RAPGEF5: variants seen among roughly 807,000 people sequenced by gnomAD.
The protein encoded by RAPGEF5 is Rap guanine nucleotide exchange factor 5.
In RAPGEF5, 65 loss-of-function variants were observed where a neutral mutation model predicts 125.2. The observed-to-expected ratio is 0.52, with a 90% CI of 0.43 to 0.64. The LOEUF (loss-of-function observed/expected upper bound fraction) is 0.64. Ranked by LOEUF, RAPGEF5 falls within the 30% of genes least tolerant of loss-of-function variation. The pLI, the probability that RAPGEF5 is intolerant of heterozygous loss-of-function variation, is 0.00. For synonymous variants in RAPGEF5, 391 were observed against 385.9 expected (o/e 1.01, Z -0.16); for missense variants, 958 against 1,048.1 (o/e 0.91, Z 1.19).
At chr7:22,248,090 A>C (rs548366097) in intron 7 of RAPGEF5, among the ~76,000 whole-genome samples, 5 of 152,292 alleles carry the variant, frequency 3.3e-5, no homozygotes, top group Admixed American at 1.3e-4. Context: ...CTAGGTAAAA[A>C]ACCTGCACGT....
chr7:22,192,263 T>C (rs1341748409), intron 11 of RAPGEF5: 1 of 152,456 alleles, frequency 6.6e-6, no homozygotes, highest in African/African-American at 2.4e-5. Context: ...AAGGTATCTA[T>C]CTGAATTTTA....
At chr7:22,175,492 T>C (rs569710106) in intron 11 of RAPGEF5, among the ~76,000 whole-genome samples, 1 of 152,340 alleles carries the variant, frequency 6.6e-6, no homozygotes, top group African/African-American at 2.4e-5. Context: ...ACAATTATCA[T>C]TTTATTTAAC....
In RAPGEF5 at chr7:22,179,474, AG is replaced by A. The variant is rs373932756; in HGVS notation, c.1205-12327del. ...TCAGAGATAATCCAAACCACTTCAC[AG>A]GCTTTTTAAAAAAATGACTATGTCA... On this transcript the variant is annotated intron_variant, in intron 11 of 25. Transcript: ENST00000665637. Among the ~76,000 whole-genome samples, 172 of 152,282 alleles carry A rather than the reference AG, an allele frequency of 1.1e-3. 2 individuals carry two copies. The East Asian group carries it at 0.029, about 25-fold the overall frequency.
intron 7 of RAPGEF5, among the ~76,000 whole-genome samples, chr7:22,246,039 T>A (rs556030124): frequency 1.2e-4 from 18 of 152,076 alleles, no homozygotes; most frequent in Non-Finnish European, 2.2e-4. Flanking sequence ...GAAAGGTATC[T>A]ACAAGGACAA....
intron 6 of RAPGEF5, among the ~76,000 whole-genome samples, chr7:22,272,342 C>CAAAAA (rs1282857477): frequency 1.4e-4 from 5 of 35,908 alleles, no homozygotes; most frequent in Middle Eastern, 0.013. Flanking sequence ...GACTCCGTCT[C>CAAAAA]AAAAAAAAAA....
intron 8 of RAPGEF5, among the ~76,000 whole-genome samples, chr7:22,226,616 G>A (rs1031724402): frequency 7.2e-5 from 11 of 152,202 alleles, no homozygotes; most frequent in African/African-American, 2.4e-5. Flanking sequence ...TCCACAGTGA[G>A]AAATGTACCT....
chr7:22,308,150 C>T (rs1339314379), intron 5 of RAPGEF5, among the ~76,000 whole-genome samples, 189 bp downstream of exon 5: 1 of 152,148 alleles, frequency 6.6e-6, no homozygotes, highest in Non-Finnish European at 1.5e-5. Context: ...GATTTAAATA[C>T]CAGTTATTTA....
intron 17 of RAPGEF5, among the ~76,000 whole-genome samples, chr7:22,151,799 A>G (rs760075083): frequency 1.9e-4 from 29 of 152,278 alleles, no homozygotes; most frequent in Non-Finnish European, 3.7e-4. Context: ...TATTTTGCTA[A>G]TACAAAAAGT....
intron 6 of RAPGEF5, among the ~76,000 whole-genome samples, chr7:22,275,681 CCAAAAGAGAACAAG>C (rs1782538766): frequency 6.6e-6 from 1 of 151,358 alleles, no homozygotes; most frequent in African/African-American, 2.4e-5. Flanking sequence ...GACCCCACTA[CCAAAAGAGAACAAG>C]CATGTTCTCT....
chr7:22,348,401 T>C (rs1001025920), intron 1 of RAPGEF5, among the ~76,000 whole-genome samples: 2 of 152,222 alleles, frequency 1.3e-5, no homozygotes, highest in Non-Finnish European at 1.5e-5. Context: ...AACTTCCTAA[T>C]CTCAAGTTGC....
chr7:22,272,605 T>C (rs766889277), intron 6 of RAPGEF5, among the ~76,000 whole-genome samples: 5 of 152,068 alleles, frequency 3.3e-5, no homozygotes, highest in African/African-American at 4.8e-5. Context: ...CTAAACTAAA[T>C]GTAAGAAGAA....
At chr7:22,338,593 C>A (rs1337013952) in intron 1 of RAPGEF5, among the ~76,000 whole-genome samples, 1 of 152,158 alleles carries the variant, frequency 6.6e-6, no homozygotes, top group Non-Finnish European at 1.5e-5. Context: ...AACATTTGTG[C>A]TTCTTTTATC....
At chr7:22,289,961 G>A (rs147614216) in intron 6 of RAPGEF5, among the ~76,000 whole-genome samples, 53 of 152,256 alleles carry the variant, frequency 3.5e-4, no homozygotes, top group African/African-American at 1.1e-3. Flanking sequence ...GTTTCCTGAG[G>A]CCTCCCCAAA....
chr7:22,241,852 G>A (rs539476924), intron 7 of RAPGEF5, among the ~76,000 whole-genome samples: 1 of 152,226 alleles, frequency 6.6e-6, no homozygotes, highest in South Asian at 2.1e-4. Context: ...AGAACTTTGT[G>A]GCAAGACAAC....
chr7:22,139,815 AC>A, intron 21 of RAPGEF5: 1 of 471,162 alleles, frequency 2.1e-6, no homozygotes, highest in Non-Finnish European at 3.9e-6. Flanking sequence ...AGAGGGGAAG[AC>A]TAATTCTAGC....
chr7:22,145,888 A>G (rs1783421267), intron 19 of RAPGEF5, among the ~76,000 whole-genome samples: 1 of 152,208 alleles, frequency 6.6e-6, no homozygotes, highest in Non-Finnish European at 1.5e-5. Context: ...TACGAAATCA[A>G]ACAAGACCAG....
intron 1 of RAPGEF5, among the ~76,000 whole-genome samples, chr7:22,330,288 T>C (rs142618758): frequency 1.6e-3 from 239 of 152,314 alleles, no homozygotes; most frequent in African/African-American, 5.6e-3. Flanking sequence ...GGGAAGGATG[T>C]TGGCACTAAT....
At chr7:22,169,320 A>G (rs973868795) in intron 11 of RAPGEF5, among the ~76,000 whole-genome samples, 3 of 152,204 alleles carry the variant, frequency 2.0e-5, no homozygotes, top group Non-Finnish European at 4.4e-5. Flanking sequence ...CAAGTTAAAC[A>G]CTGGTCATCC....
chr7:22,296,655 G>A (rs2128148987), intron 5 of RAPGEF5, among the ~76,000 whole-genome samples: 1 of 152,262 alleles, frequency 6.6e-6, no homozygotes, highest in Non-Finnish European at 1.5e-5. Context: ...TATGCTCCCA[G>A]CAAAGCTAGC....
Sources: allele counts gnomAD v4.1 joint callset (sites outside exome capture counted in the v4.1 genomes callset), GRCh38; gene constraint gnomAD v4.1.1; transcripts MANE v1.5; gene names NCBI Gene and HGNC (gene_info 2026-07-23, HGNC 2026-07-21).